RTKN2: variants seen among roughly 807,000 people sequenced by gnomAD.
RTKN2 encodes rhotekin-2.
A neutral mutation model predicts 71.5 loss-of-function variants in RTKN2; 69 were observed. The ratio of observed to expected loss-of-function variants is 0.96; its 90% CI spans 0.79 to 1.18. The LOEUF (loss-of-function observed/expected upper bound fraction) is 1.18. Ranked by LOEUF, RTKN2 falls within the 50% of genes most tolerant of loss-of-function variation. The probability of loss-of-function intolerance (pLI) is 0.00; values close to 1 mark genes in which losing one functional copy is unlikely to be tolerated. For synonymous variants in RTKN2, 236 were observed against 236.5 expected (o/e 1.00, Z 0.02); for missense variants, 724 against 719.7 (o/e 1.01, Z -0.07).
intron 2 of RTKN2, among the ~76,000 whole-genome samples, chr10:62,250,800 T>A (rs544549988): frequency 6.6e-6 from 1 of 152,208 alleles, no homozygotes; most frequent in East Asian, 1.9e-4. Context: ...CAGCTAATGT[T>A]TATGTTATTT....
intron 10 of RTKN2, among the ~76,000 whole-genome samples, chr10:62,200,362 CAAAAAAAA>C (rs67854159): frequency 1.1e-4 from 9 of 79,512 alleles, no homozygotes; most frequent in Admixed American, 1.8e-4. Context: ...GACTCCGTCT[CAAAAAAAA>C]AAAAAAAAAA....
rs147263000 is a variant in RTKN2, at chr10:62,206,210, A to C, written c.1021-1188T>G. Among the ~76,000 whole-genome samples, 51 of 152,258 alleles carry C rather than the reference A, an allele frequency of 3.3e-4. No homozygotes were observed. The East Asian group carries it at 9.4e-3, about 28-fold the overall frequency. On this transcript the variant is annotated intron_variant, in intron 9 of 11. Transcript: ENST00000373789. ...GGATAGTGGCTACTGCACTGTACAT[A>C]GTGGTTCAAGAGAATCATGGTTAAG...
downstream of RTKN2, among the ~76,000 whole-genome samples, chr10:62,190,588 A>C (rs969392648): frequency 1.3e-5 from 2 of 152,118 alleles, no homozygotes; most frequent in African/African-American, 4.8e-5. Flanking sequence ...TGAGACAAAC[A>C]CCAGTAGCCA....
intron 1 of RTKN2, among the ~76,000 whole-genome samples, chr10:62,264,535 T>C (rs1469730929): frequency 1.3e-5 from 2 of 152,248 alleles, no homozygotes; most frequent in Non-Finnish European, 2.9e-5. Context: ...GTGACCCATA[T>C]GTCTATAGAA....
At chr10:62,266,761 A>G (rs1045061733) in intron 1 of RTKN2, among the ~76,000 whole-genome samples, 1 of 152,248 alleles carries the variant, frequency 6.6e-6, no homozygotes, top group African/African-American at 2.4e-5. Flanking sequence ...AGGTGCTGTG[A>G]TAAGTACTTT....
chr10:62,217,058 A>T, intron 9 of RTKN2, 60 bp downstream of exon 9: 1 of 1,302,438 alleles, frequency 7.7e-7, no homozygotes, highest in Non-Finnish European at 1.0e-6. Context: ...TGTAAACTGC[A>T]CAGACAAAAA....
chr10:62,193,945 C>T lies in RTKN2; in HGVS notation c.*3963G>A. On this transcript the variant is annotated 3_prime_UTR_variant, in exon 12 of 12. Transcript: ENST00000373789. ...TAAACTGATTCCACCACACTGTCTA[C>T]TTCAATCAGTCTAGTCTAGAGGAGC... The T allele has an allele frequency of 1.0e-6, 1 of 984,284 alleles. No individual in the cohort carries two copies. The highest frequency in any genetic ancestry group is 1.2e-6 in the Non-Finnish European group (1 of 828,892). The allele number at this position is 984,284 out of a possible 1,614,324, so 61.0% of individuals were successfully genotyped here.
intron 11 of RTKN2, among the ~76,000 whole-genome samples, chr10:62,198,896 T>C (rs1368742580): frequency 6.6e-6 from 1 of 152,180 alleles, no homozygotes; most frequent in African/African-American, 2.4e-5. Flanking sequence ...TATATTAGGA[T>C]GACTGCATTT....
rs1842274201 is a variant in RTKN2 at position 62,237,081 on chromosome 10, C to T, written c.489-818G>A. ...GTAAAAACATGAGGTGAATGTTAAT[C>T]AAATCATGTTAGAGATTTTTGTTAA... is the stretch of plus-strand genomic sequence containing the variant. On this transcript the variant is annotated intron_variant, in intron 5 of 11. Coordinates refer to ENST00000373789, the MANE Select transcript of RTKN2 (RefSeq NM_145307.4). Among the ~76,000 whole-genome samples the T allele has an allele frequency of 3.3e-5, 5 of 151,774 alleles. No homozygotes were observed. In the South Asian group the frequency reaches 1.0e-3, roughly 31 times the overall value.
chr10:62,183,963 G>A (rs975779468), exon 9 of RTKN2: 3 of 176,328 alleles, frequency 1.7e-5, no homozygotes, highest in African/African-American at 2.4e-5. Flanking sequence ...ATCAGTGGGT[G>A]GATTAGTTGA....
chr10:62,231,663 AT>A (rs1049854111), intron 6 of RTKN2, among the ~76,000 whole-genome samples: 7 of 151,974 alleles, frequency 4.6e-5, no homozygotes, highest in African/African-American at 1.7e-4. Flanking sequence ...TTGTTACAAC[AT>A]TTTTTTGGAG....
intron 2 of RTKN2, among the ~76,000 whole-genome samples, chr10:62,260,700 C>T (rs1035362139): frequency 1.5e-4 from 23 of 152,302 alleles, no homozygotes; most frequent in Non-Finnish European, 2.9e-4. Context: ...AGTTTTTATA[C>T]ATCAGCAACT....
chr10:62,262,683 C>A lies in RTKN2; in HGVS notation c.199G>T (p.Ala67Ser). 1 of 1,613,462 alleles carries A rather than the reference C, an allele frequency of 6.2e-7. No individual in the cohort carries two copies. Among genetic ancestry groups the A allele is most frequent in the Non-Finnish European group, 8.5e-7 (1 of 1,179,548 alleles). Residue 67 changes from alanine (A) to serine (S), a missense_variant, in exon 2 of 12, where the codon GCC becomes TCC. By Grantham distance (99) the Ala-to-Ser change is moderately conservative. Transcript: ENST00000373789. ...NLMVCNARLM[A>S]YTSELQKLEE... ...AATTTCTGTAGCTCCGATGTATAGGCCATTAGTCGAGCATTGCACACCATG... is the reference window on the plus strand; with the variant it reads ...AATTTCTGTAGCTCCGATGTATAGGACATTAGTCGAGCATTGCACACCATG...
At chr10:62,248,462 G>C (rs1842518004) in intron 2 of RTKN2, among the ~76,000 whole-genome samples, 2 of 152,080 alleles carry the variant, frequency 1.3e-5, no homozygotes, top group African/African-American at 4.8e-5. Context: ...TCAAAAATCT[G>C]CAATATTAAT....
rs1386590102 is a variant in RTKN2 at position 62,193,391 on chromosome 10, GC to G, written c.*4516del. On this transcript the variant is annotated 3_prime_UTR_variant, in exon 12 of 12. Transcript: ENST00000373789. ...TCTTTTCTAATTATTAAACGTGTCA[GC>G]ATTAGTATTTTCTCCCATACTCAGA... 1.0e-6 allele frequency: 1 copy of G among 981,526 alleles called. No individual in the cohort carries two copies. Among genetic ancestry groups the G allele is most frequent in the Admixed American group, 6.2e-5 (1 of 16,256 alleles). 60.8% of individuals were successfully genotyped at this position (981,526 alleles called of 1,614,324 possible). A position where few individuals can be genotyped will look rare whatever the true frequency, so the allele number is the denominator to read the frequency against.
At chr10:62,237,384 CTCAG>C (rs1266312587) in intron 5 of RTKN2, among the ~76,000 whole-genome samples, 1 of 151,910 alleles carries the variant, frequency 6.6e-6, no homozygotes, top group Admixed American at 6.6e-5. Context: ...GACAGAATCT[CTCAG>C]TGTTTATTTA....
intron 2 of RTKN2, among the ~76,000 whole-genome samples, chr10:62,259,933 C>T (rs1404886618): frequency 6.6e-6 from 1 of 152,174 alleles, no homozygotes; most frequent in Non-Finnish European, 1.5e-5. Context: ...TCTAGAAGAT[C>T]CAAACCCAAT....
At chr10:62,247,936 A>G (rs1436300711) in intron 2 of RTKN2, among the ~76,000 whole-genome samples, 1 of 152,128 alleles carries the variant, frequency 6.6e-6, no homozygotes, top group Non-Finnish European at 1.5e-5. Context: ...GGAATAGGTC[A>G]CAGATTATTC....
intron 6 of RTKN2, among the ~76,000 whole-genome samples, chr10:62,234,684 C>T (rs1842219620): frequency 6.6e-6 from 1 of 151,852 alleles, no homozygotes; most frequent in Admixed American, 6.6e-5. Flanking sequence ...AGAGAGTTTA[C>T]AAGGACACGT....
Sources: allele counts gnomAD v4.1 joint callset (sites outside exome capture counted in the v4.1 genomes callset), GRCh38; gene constraint gnomAD v4.1.1; transcripts MANE v1.5; gene names NCBI Gene and HGNC (gene_info 2026-07-23, HGNC 2026-07-21).